The following CNOT7 variants were observed in gnomAD, a reference collection of about 807,000 sequenced individuals.
The protein encoded by CNOT7 is BTG1-binding factor 1.
CNOT7 carries 4 observed loss-of-function variants against 37.1 expected under a neutral mutation model. The observed-to-expected ratio is 0.11, with a 90% CI of 0.05 to 0.25. The LOEUF is 0.25. Ranked by LOEUF, CNOT7 falls within the 10% of genes least tolerant of loss-of-function variation. The pLI is 1.00. For missense variants in CNOT7, 170 were observed against 336.2 expected, an observed-to-expected ratio of 0.51 and a Z score of 3.87; for synonymous variants, 128 against 115.6, an observed-to-expected ratio of 1.11 and a Z score of -0.69.
intron 6 of CNOT7, chr8:17,232,025 G>C (rs992116318): frequency 1.9e-6 from 2 of 1,032,094 alleles, no homozygotes; most frequent in African/African-American, 3.5e-5. Flanking sequence ...GGTCATGCTA[G>C]AATAAACCTA....
intron 2 of CNOT7, 189 bp downstream of exon 2, chr8:17,244,847 G>A (rs1370096365): frequency 7.3e-6 from 4 of 548,654 alleles, no homozygotes; most frequent in East Asian, 3.1e-5. Flanking sequence ...CTGCAATGAG[G>A]GATAAACCCA....
intron 4 of CNOT7, 54 bp from the exon 5 acceptor site, chr8:17,234,914 TAAAAA>T (rs35647850): frequency 7.1e-7 from 1 of 1,413,538 alleles, no homozygotes; most frequent in East Asian, 2.5e-5. Context: ...CTATAAAGAT[TAAAAA>T]AAAAAGTTTT....
intron 5 of CNOT7, 106 bp from the exon 6 acceptor site, chr8:17,232,643 G>T: frequency 1.1e-6 from 1 of 912,036 alleles, no homozygotes; most frequent in Non-Finnish European, 1.7e-6. Flanking sequence ...ACTTTAGTAT[G>T]TAAAGGTGAA....
intron 5 of CNOT7, among the ~76,000 whole-genome samples, chr8:17,232,788 G>A (rs1563189537): frequency 6.6e-6 from 1 of 152,238 alleles, no homozygotes; most frequent in South Asian, 2.1e-4. Context: ...TAGGGCATAT[G>A]ACAGGTAAAT....
intron 2 of CNOT7, chr8:17,243,473 A>G: frequency 3.7e-6 from 2 of 542,876 alleles, no homozygotes; most frequent in East Asian, 4.6e-5. Flanking sequence ...AAAATCATAA[A>G]TTCCTGTCTC....
rs763186682 is a variant in CNOT7, at chr8:17,227,734, T to C, written c.*2986A>G. On this transcript the variant is annotated 3_prime_UTR_variant, in exon 7 of 7. Coordinates refer to ENST00000361272, the MANE Select transcript of CNOT7 (RefSeq NM_013354.7). ...TGTCAGTCTATTCTTTTACCAGTTA[T>C]GGTGACACTGCATTATAAACACAAT... 2 of 151,926 alleles carry C rather than the reference T, an allele frequency of 1.3e-5. No homozygotes were observed. The highest frequency in any genetic ancestry group is 1.5e-5 in the Non-Finnish European group (1 of 67,822). The allele number at this position is 151,926 out of a possible 1,614,324, so 9.4% of individuals were successfully genotyped here. A position where few individuals can be genotyped will look rare whatever the true frequency, so the allele number is the denominator to read the frequency against.
chr8:17,244,267 G>A (rs536257817), intron 2 of CNOT7: 2 of 152,618 alleles, frequency 1.3e-5, no homozygotes, highest in South Asian at 4.1e-4. Context: ...CAAACAGCAC[G>A]TGCAAAAGCA....
chr8:17,232,334 G>GT, intron 6 of CNOT7, 93 bp downstream of exon 6: 1 of 1,601,774 alleles, frequency 6.2e-7, no homozygotes, highest in South Asian at 1.1e-5. Context: ...TCTTTACTTA[G>GT]TAGGTACTTG....
In CNOT7 at chr8:17,226,209, T is replaced by G. The variant is rs1808150434; in HGVS notation, c.*4511A>C. ...CAATTTTTTTTTCTTTTTTTAGTAA[T>G]AGAGTTCTACTAATGGGAATAATGG... is the stretch of plus-strand genomic sequence containing the variant. On this transcript the variant is annotated 3_prime_UTR_variant, in exon 7 of 7. Coordinates refer to ENST00000361272, the MANE Select transcript of CNOT7 (RefSeq NM_013354.7). The G allele has an allele frequency of 6.6e-6, 1 of 151,338 alleles. No individual in the cohort carries two copies. Among genetic ancestry groups the G allele is most frequent in the Admixed American group, 6.6e-5 (1 of 15,158 alleles). The allele number at this position is 151,338 out of a possible 1,614,324, so 9.4% of individuals were successfully genotyped here.
chr8:17,234,951 T>A (rs1298916735), intron 4 of CNOT7, 91 bp from the exon 5 acceptor site: 1 of 1,119,138 alleles, frequency 8.9e-7, no homozygotes, highest in Non-Finnish European at 1.3e-6. Flanking sequence ...TTTAAGCAAG[T>A]CACACTAGAG....
At chr8:17,242,850 C>A in intron 3 of CNOT7, 142 bp downstream of exon 3, 2 of 479,396 alleles carry the variant, frequency 4.2e-6, no homozygotes, top group South Asian at 5.0e-5. Flanking sequence ...GAAAACCACG[C>A]TTTTGAAATG....
At chr8:17,234,537 A>T (rs1809078816) in intron 5 of CNOT7, 179 bp downstream of exon 5, 2 of 637,664 alleles carry the variant, frequency 3.1e-6, no homozygotes, top group South Asian at 3.8e-5. Context: ...GAAGCTCTGA[A>T]AAAAGGATTC....
At chr8:17,231,098 CATTTTT>C (rs1808542985) in intron 6 of CNOT7, among the ~76,000 whole-genome samples, 1 of 151,982 alleles carries the variant, frequency 6.6e-6, no homozygotes, top group Admixed American at 6.6e-5. Flanking sequence ...CCATTTAGAC[CATTTTT>C]ATAAGAATTT....
chr8:17,234,301 A>T (rs1023245172), intron 5 of CNOT7, among the ~76,000 whole-genome samples: 17 of 152,220 alleles, frequency 1.1e-4, no homozygotes, highest in African/African-American at 4.1e-4. Flanking sequence ...CTTTTGCCAC[A>T]CTACTAAATA....
rs1240146965 is a variant in CNOT7 at position 17,227,806 on chromosome 8, G to A, written c.*2914C>T. 1 of 151,814 alleles carries A rather than the reference G, an allele frequency of 6.6e-6. No individual in the cohort carries two copies. The highest frequency in any genetic ancestry group is 2.4e-5 in the African/African-American group (1 of 41,416). The allele number at this position is 151,814 out of a possible 1,614,324, so 9.4% of individuals were successfully genotyped here. ...GTCCATATTCCAATGTGCCTTGAAA[G>A]TGTAACATTCAAAGGTACTTTTCTT... On this transcript the variant is annotated 3_prime_UTR_variant, in exon 7 of 7. Transcript: ENST00000361272.
In CNOT7 at chr8:17,226,258, G is replaced by GT. The variant is rs1808155519; in HGVS notation, c.*4461dup. The stretch of plus-strand genomic sequence containing the variant: ...GGGATTTTTTGGCAGGGGACGGGAG[G>GT]TAACATTTTGCTCAATTTGGGCTGA... On this transcript the variant is annotated 3_prime_UTR_variant, in exon 7 of 7. Transcript: ENST00000361272. 1 of 151,066 alleles carries GT rather than the reference G, an allele frequency of 6.6e-6. No individual in the cohort carries two copies. Among genetic ancestry groups the GT allele is most frequent in the Non-Finnish European group, 1.5e-5 (1 of 67,458 alleles). The allele number at this position is 151,066 out of a possible 1,614,324, so 9.4% of individuals were successfully genotyped here.
chr8:17,226,980 A>T lies in CNOT7; in HGVS notation c.*3740T>A, dbSNP rs1305927142. On this transcript the variant is annotated 3_prime_UTR_variant, in exon 7 of 7. Transcript: ENST00000361272. Reference sequence around the variant, plus strand: ...TAAGCCATTGAACGCCTGTGTGGCAAATCAAATCAGGATATTCAGCTTCTG... The same window carrying T: ...TAAGCCATTGAACGCCTGTGTGGCATATCAAATCAGGATATTCAGCTTCTG... The T allele has an allele frequency of 1.3e-5, 2 of 150,498 alleles. No individual in the cohort carries two copies. Among genetic ancestry groups the T allele is most frequent in the East Asian group, 2.0e-4 (1 of 5,122 alleles). The allele number at this position is 150,498 out of a possible 1,614,324, so 9.3% of individuals were successfully genotyped here. A position where few individuals can be genotyped will look rare whatever the true frequency, so the allele number is the denominator to read the frequency against.
intron 4 of CNOT7, 52 bp downstream of exon 4, chr8:17,237,160 G>C: frequency 6.4e-7 from 1 of 1,566,272 alleles, no homozygotes; most frequent in Non-Finnish European, 8.8e-7. Flanking sequence ...AGTAAGTGTG[G>C]AGCAAGTATG....
chr8:17,237,661 G>T (rs1809558847), intron 3 of CNOT7: 1 of 254,210 alleles, frequency 3.9e-6, no homozygotes, highest in Non-Finnish European at 7.6e-6. Flanking sequence ...ATTTAACTGG[G>T]TTTGGAAAAG....
Sources: allele counts gnomAD v4.1 joint callset (sites outside exome capture counted in the v4.1 genomes callset), GRCh38; gene constraint gnomAD v4.1.1; transcripts MANE v1.5; gene names NCBI Gene and HGNC (gene_info 2026-07-23, HGNC 2026-07-21).